The following RERE variants were observed in gnomAD, a reference collection of about 807,000 sequenced individuals.
RERE encodes arginine-glutamic acid dipeptide repeats protein.
A neutral mutation model predicts 146.1 loss-of-function variants in RERE; 40 were observed. The ratio of observed to expected loss-of-function variants is 0.27; its 90% CI spans 0.21 to 0.36. RERE has a LOEUF of 0.36. RERE is among the 10% of genes least tolerant of loss of function. RERE has a pLI of 1.00. For missense variants in RERE, 1,933 were observed against 2,138.7 expected (o/e 0.90, Z 1.90); for synonymous variants, 1,003 against 866.0 (o/e 1.16, Z -2.78).
chr1:8,718,449 A>C (rs1207092530), intron 1 of RERE, among the ~76,000 whole-genome samples: 1 of 152,248 alleles, frequency 6.6e-6, no homozygotes, highest in East Asian at 1.9e-4. Flanking sequence ...CTTCTATTTC[A>C]TGAGAAAAGA....
intron 10 of RERE, among the ~76,000 whole-genome samples, chr1:8,477,601 C>T (rs933830434): frequency 2.0e-5 from 3 of 152,206 alleles, no homozygotes; most frequent in Non-Finnish European, 2.9e-5. Context: ...TGAACCTACT[C>T]ATACATGCTA....
At chr1:8,375,737 C>T (rs1040928222) in intron 12 of RERE, among the ~76,000 whole-genome samples, 237 of 138,778 alleles carry the variant, frequency 1.7e-3, no homozygotes, top group African/African-American at 6.4e-3. Context: ...ACTGAAAATG[C>T]TTCCTCACTC....
At chr1:8,740,477 A>G (rs942262396) in intron 1 of RERE, among the ~76,000 whole-genome samples, 3 of 152,176 alleles carry the variant, frequency 2.0e-5, no homozygotes, top group African/African-American at 7.2e-5. Flanking sequence ...CCTCTTTTAA[A>G]TATTATTTTT....
intron 1 of RERE, among the ~76,000 whole-genome samples, chr1:8,657,663 G>A (rs1214121820): frequency 6.6e-6 from 1 of 152,086 alleles, no homozygotes; most frequent in Admixed American, 6.5e-5. Flanking sequence ...CCTGGCCAAC[G>A]TGGTGAAACT....
At chr1:8,434,782 A>T (rs1299283257) in intron 11 of RERE, 1 of 152,288 alleles carries the variant, frequency 6.6e-6, no homozygotes, top group Non-Finnish European at 1.5e-5. Context: ...ACCACGCTGG[A>T]GAGACCATCA....
chr1:8,375,092 C>G (rs1557597078), intron 12 of RERE, among the ~76,000 whole-genome samples: 1 of 104,710 alleles, frequency 9.6e-6, no homozygotes, highest in Non-Finnish European at 1.9e-5. Context: ...TGGGCCCACC[C>G]AACTTGCCAA....
At chr1:8,745,589 T>C (rs914075731) in intron 1 of RERE, among the ~76,000 whole-genome samples, 2 of 152,188 alleles carry the variant, frequency 1.3e-5, no homozygotes, top group African/African-American at 4.8e-5. Context: ...GATGACATTA[T>C]ACTCCTGCTT....
intron 1 of RERE, among the ~76,000 whole-genome samples, chr1:8,741,124 A>G (rs1640298531): frequency 1.3e-5 from 2 of 152,208 alleles, no homozygotes; most frequent in South Asian, 2.1e-4. Context: ...AATGTAACTA[A>G]GCAACAGGAA....
intron 1 of RERE, among the ~76,000 whole-genome samples, chr1:8,686,104 C>G (rs1483728641): frequency 6.6e-6 from 1 of 151,946 alleles, no homozygotes; most frequent in African/African-American, 2.4e-5. Context: ...ACCTCAGACT[C>G]CCAAGTAGCT....
intron 1 of RERE, among the ~76,000 whole-genome samples, chr1:8,675,971 A>G (rs1245773543): frequency 1.3e-5 from 2 of 152,212 alleles, no homozygotes; most frequent in Non-Finnish European, 2.9e-5. Context: ...TGAATTTTGA[A>G]GCATTTCAGA....
chr1:8,362,553 C>T lies in RERE; in HGVS notation c.1902+130G>A, dbSNP rs964772437. 2.4e-5 allele frequency: 30 copies of T among 1,237,222 alleles called. No homozygotes were observed. In the African/African-American group the frequency reaches 3.7e-4, roughly 15 times the overall value. 76.6% of individuals were successfully genotyped at this position (1,237,222 alleles called of 1,614,324 possible). Reference sequence around the variant, plus strand: ...CTGCAGCCCCTAGGCCAGGACAATGCTGGTGTCCAGACAGGCTCCATGAAT... The same window carrying T: ...CTGCAGCCCCTAGGCCAGGACAATGTTGGTGTCCAGACAGGCTCCATGAAT... On this transcript the variant is annotated intron_variant, in intron 16 of 22. Transcript: ENST00000400908.
At chr1:8,375,597 C>T (rs940875323) in intron 12 of RERE, among the ~76,000 whole-genome samples, 1,708 of 126,580 alleles carry the variant, frequency 0.013, no homozygotes, top group African/African-American at 0.017. Flanking sequence ...ACTGAAAATG[C>T]TTCCTCGCTC....
intron 1 of RERE, among the ~76,000 whole-genome samples, chr1:8,731,780 T>G (rs943512684): frequency 3.5e-5 from 5 of 142,844 alleles, no homozygotes; most frequent in Middle Eastern, 3.6e-3. Context: ...CATAATGTTT[T>G]TTTGTTTGTT....
At chr1:8,716,557 C>T (rs577037730) in intron 1 of RERE, among the ~76,000 whole-genome samples, 5 of 152,064 alleles carry the variant, frequency 3.3e-5, no homozygotes, top group East Asian at 1.9e-4. Context: ...AAAGTTCAAA[C>T]AGTTTGCCTC....
At chr1:8,471,452 C>G (rs776827195) in intron 10 of RERE, among the ~76,000 whole-genome samples, 2 of 151,540 alleles carry the variant, frequency 1.3e-5, no homozygotes, top group Non-Finnish European at 2.9e-5. Context: ...ACTAGGACAG[C>G]TGTGCACCAT....
rs147150156 is a variant in RERE at position 8,666,920 on chromosome 1, G to T, written c.-144-10479C>A. ...GAGTAAACTCAATCAATCCTGCTAA[G>T]AGTTTATATACTCATTCTCAGAATA... On this transcript the variant is annotated intron_variant, in intron 1 of 22. Transcript: ENST00000400908. Among the ~76,000 whole-genome samples, 3 of 152,322 alleles carry T rather than the reference G, an allele frequency of 2.0e-5. No individual in the cohort carries two copies. The East Asian group carries it at 5.8e-4, about 29-fold the overall frequency.
chr1:8,764,964 T>A (rs1173765066), intron 1 of RERE, among the ~76,000 whole-genome samples: 1 of 152,230 alleles, frequency 6.6e-6, no homozygotes, highest in African/African-American at 2.4e-5. Context: ...AAACAGAGGT[T>A]CCATACCCCC....
chr1:8,798,855 C>T (rs542028143), intron 1 of RERE, among the ~76,000 whole-genome samples: 52 of 151,636 alleles, frequency 3.4e-4, no homozygotes, highest in African/African-American at 1.2e-3. Flanking sequence ...CCACACCCAG[C>T]TAATTTTTGT....
At chr1:8,793,940 C>G (rs1641415724) in intron 1 of RERE, among the ~76,000 whole-genome samples, 1 of 152,066 alleles carries the variant, frequency 6.6e-6, no homozygotes, top group Non-Finnish European at 1.5e-5. Flanking sequence ...GTGGCTCATG[C>G]CTGTAGTCCC....
Sources: gnomAD v4.1 joint callset for allele counts (sites outside exome capture counted in the v4.1 genomes callset) on GRCh38, gnomAD v4.1.1 for gene constraint, MANE v1.5 for transcripts, NCBI Gene and HGNC (gene_info 2026-07-23, HGNC 2026-07-21) for gene names.